SASH1: variants seen among roughly 807,000 people sequenced by gnomAD.
The protein encoded by SASH1 is SAM and SH3 domain-containing protein 1.
A neutral mutation model predicts 125.2 loss-of-function variants in SASH1; 44 were observed. That is an observed-to-expected ratio of 0.35 (90% CI 0.28 to 0.45). The LOEUF is 0.45. SASH1 is among the 20% of genes least tolerant of loss of function. The probability of loss-of-function intolerance (pLI) is 1.00; values close to 1 mark genes in which losing one functional copy is unlikely to be tolerated. For synonymous variants in SASH1, 639 were observed against 649.1 expected, an observed-to-expected ratio of 0.98 and a Z score of 0.24; for missense variants, 1,426 against 1,614.5, an observed-to-expected ratio of 0.88 and a Z score of 2.00.
In SASH1 at chr6:148,334,427, CAAAAAAAA is replaced by C. The variant is rs1162225428; in HGVS notation, n.75-55693_75-55686del. On this transcript the variant is annotated intron_variant and non_coding_transcript_variant, in intron 1 of 3. Coordinates refer to the SASH1 transcript ENST00000367469. Reference sequence around the variant, plus strand: ...TGGGCCACAGAGCGAGACTCCGTCTCAAAAAAAAAAAAAAAAAAAAAGAGATAATAGCA... The same window carrying C: ...TGGGCCACAGAGCGAGACTCCGTCTCAAAAAAAAAAAAAGAGATAATAGCA... 4.7e-5 allele frequency among the ~76,000 whole-genome samples: 3 copies of C among 63,686 alleles called. No individual in the cohort carries two copies. The Admixed American group carries it at 6.8e-4, about 15-fold the overall frequency. The allele number at this position is 63,686 out of a possible 152,430, so 41.8% of individuals were successfully genotyped here.
chr6:148,234,218 A>G, the SASH1 span, among the ~76,000 whole-genome samples: 6 of 152,158 alleles, frequency 3.9e-5, no homozygotes. Context: ...CACTTAGGCT[A>G]ATTGCAGTAT....
the SASH1 span, among the ~76,000 whole-genome samples, chr6:148,208,251 C>A: frequency 6.6e-6 from 1 of 152,182 alleles, no homozygotes; most frequent in African/African-American, 2.4e-5. Context: ...GGAACATGAC[C>A]TAATGCTGGC....
intron 1 of SASH1, among the ~76,000 whole-genome samples, chr6:148,323,506 T>C (rs1780709017): frequency 6.6e-6 from 1 of 152,152 alleles, no homozygotes; most frequent in Non-Finnish European, 1.5e-5. Flanking sequence ...CATATGAATC[T>C]CTACTATGGG....
intron 1 of SASH1, among the ~76,000 whole-genome samples, chr6:148,388,671 T>G (rs1043070988): frequency 1.3e-5 from 2 of 152,230 alleles, no homozygotes; most frequent in Non-Finnish European, 2.9e-5. Flanking sequence ...AGGGTAGAGA[T>G]GATCCTTGCT....
At chr6:148,348,505 G>A (rs568914996) in intron 1 of SASH1, among the ~76,000 whole-genome samples, 2 of 152,152 alleles carry the variant, frequency 1.3e-5, no homozygotes, top group Admixed American at 1.3e-4. Flanking sequence ...CTATGGGGAC[G>A]GAGTGAGAGG....
the SASH1 span, among the ~76,000 whole-genome samples, chr6:148,229,742 GAC>G: frequency 0.26 from 31,324 of 120,874 alleles, 4,001 homozygotes; most frequent in East Asian, 0.4. Context: ...TTTTTTTTGA[GAC>G]AGAGTCTTGC....
the SASH1 span, among the ~76,000 whole-genome samples, chr6:148,233,933 T>C: frequency 6.6e-6 from 1 of 150,616 alleles, no homozygotes; most frequent in African/African-American, 2.4e-5. Context: ...AAACTAAATG[T>C]TCCTCCCTTT....
At chr6:148,234,417 C>T in the SASH1 span, among the ~76,000 whole-genome samples, 2 of 151,694 alleles carry the variant, frequency 1.3e-5, no homozygotes, top group African/African-American at 4.8e-5. Flanking sequence ...CCGTATTTGG[C>T]TTCTATCACT....
rs1334858485 is a variant in SASH1 at position 148,533,721 on chromosome 6, A to G, written c.1735-50A>G. 6.6e-7 allele frequency: 1 copy of G among 1,508,738 alleles called. No homozygotes were observed. The highest frequency in any genetic ancestry group is 1.1e-5 in the South Asian group (1 of 86,994). 93.5% of individuals were successfully genotyped at this position (1,508,738 alleles called of 1,614,324 possible). A position where few individuals can be genotyped will look rare whatever the true frequency, so the allele number is the denominator to read the frequency against. ...TGTATCTGACAGATTCTTGATTTGT[A>G]CGTTCATGGAATGTACCTAATGGAA... On this transcript the variant is annotated intron_variant, in intron 14 of 19. Coordinates refer to ENST00000367467, the MANE Select transcript of SASH1 (RefSeq NM_015278.5). The surrounding 1 kb of genome is among the most constrained non-coding windows in gnomAD (Gnocchi z 6.2).
upstream of SASH1, among the ~76,000 whole-genome samples, chr6:148,339,977 A>G (rs2114622770): frequency 6.6e-6 from 1 of 152,308 alleles, no homozygotes; most frequent in East Asian, 1.9e-4. Flanking sequence ...GGATGGGGAA[A>G]CTAGCACCAG....
At chr6:148,249,684 C>G in the SASH1 span, among the ~76,000 whole-genome samples, 1 of 152,182 alleles carries the variant, frequency 6.6e-6, no homozygotes, top group Non-Finnish European at 1.5e-5. Context: ...ATGGCAAACT[C>G]TATTACATGC....
At chr6:148,540,333 C>A in intron 16 of SASH1, 110 bp from the exon 17 acceptor site, 1 of 750,196 alleles carries the variant, frequency 1.3e-6, no homozygotes, top group Non-Finnish European at 2.3e-6. Flanking sequence ...ATAAATTGTT[C>A]TCTTCCAAAA....
intron 2 of SASH1, among the ~76,000 whole-genome samples, chr6:148,423,086 A>G (rs1583133400): frequency 6.6e-6 from 1 of 151,980 alleles, no homozygotes; most frequent in African/African-American, 2.4e-5. Context: ...CTACAGGCGC[A>G]CGCCACCACG....
chr6:148,335,961 G>T (rs942486603), intron 1 of SASH1, among the ~76,000 whole-genome samples: 5 of 152,058 alleles, frequency 3.3e-5, no homozygotes, highest in African/African-American at 4.8e-5. Context: ...AAAACAAAAA[G>T]AGGGTAAAAA....
intron 16 of SASH1, among the ~76,000 whole-genome samples, chr6:148,536,321 T>TTTTTG (rs796351067): frequency 4.0e-5 from 6 of 151,816 alleles, no homozygotes; most frequent in African/African-American, 1.2e-4. Flanking sequence ...ACAGCTGGGG[T>TTTTTG]TTTTGTTTTG....
intron 1 of SASH1, among the ~76,000 whole-genome samples, chr6:148,304,559 G>A (rs139209713): frequency 0.067 from 10,020 of 148,602 alleles, 357 homozygotes; most frequent in African/African-American, 0.11. Flanking sequence ...GCAGTGAGCC[G>A]AGACCACGCC....
At chr6:148,195,101 C>G in the SASH1 span, among the ~76,000 whole-genome samples, 88 of 152,302 alleles carry the variant, frequency 5.8e-4, no homozygotes, top group Middle Eastern at 6.8e-3. Context: ...TTTTGTTTAT[C>G]CAATTATTTC....
At chr6:148,229,661 T>G in the SASH1 span, among the ~76,000 whole-genome samples, 1 of 151,890 alleles carries the variant, frequency 6.6e-6, no homozygotes, top group East Asian at 1.9e-4. Context: ...TACAATTCCA[T>G]GACTTCTCAT....
intron 1 of SASH1, 82 bp downstream of exon 1, chr6:148,343,305 C>G: frequency 7.3e-7 from 1 of 1,379,250 alleles, no homozygotes; most frequent in Non-Finnish European, 9.9e-7. Flanking sequence ...TTCTCGCCCA[C>G]CCACTGGGCA....
Sources: gnomAD v4.1 joint callset for allele counts (sites outside exome capture counted in the v4.1 genomes callset) on GRCh38, gnomAD v4.1.1 for gene constraint, Gnocchi (gnomAD v3.1) non-coding constraint, MANE v1.5 for transcripts, NCBI Gene and HGNC (gene_info 2026-07-23, HGNC 2026-07-21) for gene names.